Variants in SLC39A10 observed in about 807,000 individuals in gnomAD.
The protein encoded by SLC39A10 is zinc transporter ZIP10.
In SLC39A10, 13 loss-of-function variants were observed where a neutral mutation model predicts 65.1. The observed-to-expected ratio is 0.20, with a 90% CI of 0.13 to 0.32. The LOEUF is 0.32. Ranked by LOEUF, SLC39A10 falls within the 10% of genes least tolerant of loss-of-function variation. SLC39A10 has a pLI of 1.00. For missense variants in SLC39A10, 831 were observed against 1,018.4 expected, an observed-to-expected ratio of 0.82 and a Z score of 2.50; for synonymous variants, 321 against 342.2, an observed-to-expected ratio of 0.94 and a Z score of 0.68.
intron 3 of SLC39A10, among the ~76,000 whole-genome samples, chr2:195,697,835 G>T (rs1691026775): frequency 6.6e-6 from 1 of 152,114 alleles, no homozygotes. Flanking sequence ...CCACATCACT[G>T]ATTATTAGAG....
intron 3 of SLC39A10, among the ~76,000 whole-genome samples, chr2:195,692,527 C>G (rs910464530): frequency 6.6e-6 from 1 of 152,022 alleles, no homozygotes; most frequent in Non-Finnish European, 1.5e-5. Context: ...TCTTTCAGCA[C>G]TGTTTTATAG....
intron 8 of SLC39A10, among the ~76,000 whole-genome samples, chr2:195,720,170 G>T (rs1005027366): frequency 3.3e-5 from 5 of 152,132 alleles, no homozygotes; most frequent in African/African-American, 1.2e-4. Flanking sequence ...CAAGTGATCT[G>T]CCTGCCTCGG....
At chr2:195,624,465 TAAAAA>T (rs1181551504) in intron 2 of SLC39A10, among the ~76,000 whole-genome samples, 1 of 148,338 alleles carries the variant, frequency 6.7e-6, no homozygotes, top group South Asian at 2.1e-4. Flanking sequence ...AAAAATAACT[TAAAAA>T]AAGAAGAAAA....
chr2:195,706,804 G>T lies in SLC39A10; in HGVS notation c.1386+19G>T. 1 of 1,447,536 alleles carries T rather than the reference G, an allele frequency of 6.9e-7. No homozygotes were observed. Among genetic ancestry groups the T allele is most frequent in the Admixed American group, 2.6e-5 (1 of 37,972 alleles). The allele number at this position is 1,447,536 out of a possible 1,614,324, so 89.7% of individuals were successfully genotyped here. On this transcript the variant is annotated intron_variant, in intron 4 of 9. Transcript: ENST00000359634. ...GCCCCATGTAAGAAATGTTTTTAAT[G>T]TTTTTAAAAATTTAAAATAAAAATA...
intron 3 of SLC39A10, among the ~76,000 whole-genome samples, chr2:195,696,987 A>T (rs1034432514): frequency 6.6e-6 from 1 of 152,168 alleles, no homozygotes; most frequent in African/African-American, 2.4e-5. Flanking sequence ...CGTTATTCAT[A>T]TTAACTATTC....
chr2:195,656,906 C>T (rs551490887), upstream of SLC39A10: 1 of 152,280 alleles, frequency 6.6e-6, no homozygotes, highest in Non-Finnish European at 1.5e-5. Flanking sequence ...CGCCCCAACT[C>T]CCCCGCGGCG....
intron 2 of SLC39A10, among the ~76,000 whole-genome samples, chr2:195,627,271 C>A (rs1160435152): frequency 6.6e-6 from 1 of 151,896 alleles, no homozygotes; most frequent in South Asian, 2.1e-4. Flanking sequence ...AAAATGACAC[C>A]CCCACCCCGC....
chr2:195,639,608 G>T (rs990092610), intron 2 of SLC39A10, among the ~76,000 whole-genome samples: 6 of 151,816 alleles, frequency 4.0e-5, no homozygotes, highest in African/African-American at 1.5e-4. Flanking sequence ...TTTTGAGATG[G>T]AGTTTCGCTT....
At chr2:195,617,889 G>A (rs191905409) in intron 2 of SLC39A10, among the ~76,000 whole-genome samples, 41 of 151,012 alleles carry the variant, frequency 2.7e-4, no homozygotes, top group African/African-American at 9.4e-4. Flanking sequence ...ACAGGTGCCC[G>A]CCACCACGCC....
rs1206922187 is a variant in SLC39A10, at chr2:195,680,012, C to G, written c.-11-20C>G. The G allele has an allele frequency of 5.2e-6, 8 of 1,541,406 alleles. No homozygotes were observed. Among genetic ancestry groups the G allele is most frequent in the Non-Finnish European group, 7.0e-6 (8 of 1,148,228 alleles). ...TCTAGGTAGAAACTAATACTTGTCTCTCTCTTTAAATCTCTTTAGGAAAAA... is the reference window on the plus strand; with the variant it reads ...TCTAGGTAGAAACTAATACTTGTCTGTCTCTTTAAATCTCTTTAGGAAAAA... On this transcript the variant is annotated intron_variant, in intron 1 of 9. Coordinates refer to ENST00000359634, the MANE Select transcript of SLC39A10 (RefSeq NM_020342.3).
chr2:195,687,310 T>C (rs1042722789), intron 3 of SLC39A10, among the ~76,000 whole-genome samples: 1 of 149,026 alleles, frequency 6.7e-6, no homozygotes, highest in African/African-American at 2.4e-5. Context: ...TTAAAACTAA[T>C]AGCTTTTTTT....
At chr2:195,714,267 G>A (rs1691707883) in intron 6 of SLC39A10, among the ~76,000 whole-genome samples, 1 of 152,092 alleles carries the variant, frequency 6.6e-6, no homozygotes, top group Non-Finnish European at 1.5e-5. Context: ...TAGCTTGCTA[G>A]TGTCTCCTCC....
chr2:195,679,401 C>G (rs924162608), intron 1 of SLC39A10, among the ~76,000 whole-genome samples: 6 of 152,178 alleles, frequency 3.9e-5, no homozygotes, highest in African/African-American at 1.4e-4. Context: ...ACCACAGCAT[C>G]TTTGATAATT....
intron 3 of SLC39A10, among the ~76,000 whole-genome samples, chr2:195,689,768 T>C (rs879171249): frequency 3.3e-5 from 5 of 152,206 alleles, no homozygotes; most frequent in Admixed American, 3.3e-4. Flanking sequence ...TCTTTATGTT[T>C]ATGATTTTGA....
rs552118458 is a variant in SLC39A10 at position 195,690,814 on chromosome 2, G to A, written c.1216+6908G>A. Among the ~76,000 whole-genome samples the A allele has an allele frequency of 1.6e-4, 24 of 151,992 alleles. 1 individual carries two copies. The highest frequency in any genetic ancestry group is 6.2e-4 in the South Asian group (3 of 4,818). ...CTGCAAATATTTTCTCCCATTTTAT[G>A]TATTGCCTTTTTACTCTGTTGATAA... On this transcript the variant is annotated intron_variant, in intron 3 of 9. Coordinates refer to ENST00000359634, the MANE Select transcript of SLC39A10 (RefSeq NM_020342.3).
chr2:195,624,349 T>C (rs532998975), intron 2 of SLC39A10, among the ~76,000 whole-genome samples: 2 of 133,584 alleles, frequency 1.5e-5, no homozygotes, highest in Admixed American at 1.8e-4. Context: ...ATCGTGCCAC[T>C]GCACTCCAGC....
chr2:195,649,843 G>T (rs1688995047), intron 2 of SLC39A10, among the ~76,000 whole-genome samples: 1 of 152,180 alleles, frequency 6.6e-6, no homozygotes. Context: ...ACTACTCTGT[G>T]AGTGAATGAG....
intron 2 of SLC39A10, among the ~76,000 whole-genome samples, chr2:195,635,093 C>G (rs1245666251): frequency 6.6e-6 from 1 of 152,064 alleles, no homozygotes; most frequent in Non-Finnish European, 1.5e-5. Flanking sequence ...AACAAAAGAA[C>G]ACTGACATCA....
At chr2:195,682,584 T>A (rs1448590830) in intron 2 of SLC39A10, among the ~76,000 whole-genome samples, 1 of 152,112 alleles carries the variant, frequency 6.6e-6, no homozygotes, top group African/African-American at 2.4e-5. Flanking sequence ...TTAATTATTA[T>A]GACTTAGGAT....
Sources: gnomAD v4.1 joint callset for allele counts (sites outside exome capture counted in the v4.1 genomes callset) on GRCh38, gnomAD v4.1.1 for gene constraint, MANE v1.5 for transcripts, NCBI Gene and HGNC (gene_info 2026-07-23, HGNC 2026-07-21) for gene names.